Variants in ANKRD10 observed in about 807,000 individuals in gnomAD.
ANKRD10 encodes the protein ankyrin repeat domain-containing protein 10.
Under a neutral mutation model 27.0 loss-of-function variants are expected in ANKRD10, and 14 were observed. That is an observed-to-expected ratio of 0.52 (90% CI 0.34 to 0.81). ANKRD10 has a LOEUF of 0.81. Among genes scored for constraint, ANKRD10 ranks in the 40% least tolerant of loss-of-function variants. The pLI, the probability that ANKRD10 is intolerant of heterozygous loss-of-function variation, is 0.01. For synonymous variants in ANKRD10, 250 were observed against 224.5 expected, an observed-to-expected ratio of 1.11 and a Z score of -1.01; for missense variants, 493 against 544.0, an observed-to-expected ratio of 0.91 and a Z score of 0.93.
In ANKRD10 at chr13:110,883,700, G is replaced by T. The variant is rs1410432405; in HGVS notation, c.785C>A (p.Thr262Lys). 1 of 1,613,886 alleles carries T rather than the reference G, an allele frequency of 6.2e-7. No homozygotes were observed. Among genetic ancestry groups the T allele is most frequent in the Non-Finnish European group, 8.5e-7 (1 of 1,179,970 alleles). ...AACAGGAAACTGTCCACTCCCACCT[G>T]TTACAACAGCAAACTCCCTATCAAC... ...MHVDREFAVV[T>K]DMKNSSSVSN... Residue 262 changes from threonine to lysine, a missense_variant and splice_region_variant, in exon 5 of 6, where the codon ACA becomes AAA. Coordinates refer to ENST00000267339, the MANE Select transcript of ANKRD10 (RefSeq NM_017664.4).
At position 110,879,529 on chromosome 13, in the gene ANKRD10, T is replaced by A; in HGVS notation, c.*108A>T. On this transcript the variant is annotated 3_prime_UTR_variant, in exon 6 of 6. Transcript: ENST00000267339. ...TTTACTTTTTCAGAAAGTTGAAGTA[T>A]ATAAAAAACGTACAAGTTGTGACAT... 1.2e-6 allele frequency: 1 copy of A among 846,372 alleles called. No homozygotes were observed. The highest frequency in any genetic ancestry group is 1.8e-6 in the Non-Finnish European group (1 of 546,972). The allele number at this position is 846,372 out of a possible 1,614,324, so 52.4% of individuals were successfully genotyped here.
At chr13:110,898,342 A>C (rs2065283618) in intron 3 of ANKRD10, among the ~76,000 whole-genome samples, 1 of 152,238 alleles carries the variant, frequency 6.6e-6, no homozygotes, top group Admixed American at 6.5e-5. Context: ...ATAATCATTA[A>C]AGATCATAAA....
At chr13:110,906,168 C>A (rs1387005784) in intron 2 of ANKRD10, 44 bp from the exon 3 acceptor site, 2 of 1,467,794 alleles carry the variant, frequency 1.4e-6, no homozygotes, top group Non-Finnish European at 1.9e-6. Context: ...TAGAACAAAA[C>A]TTCTGACATT....
At chr13:110,894,119 T>G (rs1428812156) in intron 3 of ANKRD10, 1 of 1,607,220 alleles carries the variant, frequency 6.2e-7, no homozygotes, top group Non-Finnish European at 8.5e-7. Context: ...CTTTAGACAC[T>G]GAATTAAAAC....
In ANKRD10 at chr13:110,879,815, G is replaced by A. The variant is rs1400788351; in HGVS notation, c.1085C>T (p.Pro362Leu). 4 of 1,614,124 alleles carry A rather than the reference G, an allele frequency of 2.5e-6. No homozygotes were observed. The highest frequency in any genetic ancestry group is 3.4e-6 in the Non-Finnish European group (4 of 1,180,052). Residue 362 changes from proline (P) to leucine (L), a missense_variant, in exon 6 of 6, where the codon CCT (proline) becomes CTT (leucine). Physicochemically the swap from Pro to Leu is moderately conservative, Grantham distance 98 (BLOSUM62 -3). Coordinates refer to ENST00000267339, the MANE Select transcript of ANKRD10 (RefSeq NM_017664.4). ...GSPSSCIASR[P>L]SWVEDIGDNL... ...ATCCCCAATGTCTTCCACCCAGGAA[G>A]GCCTACTGGCTATGCAGCTACTTGG...
intron 4 of ANKRD10, among the ~76,000 whole-genome samples, chr13:110,885,182 C>A (rs1285173248): frequency 6.6e-6 from 1 of 152,174 alleles, no homozygotes; most frequent in Non-Finnish European, 1.5e-5. Context: ...AGGCCAGGCT[C>A]CACTTTCACT....
At chr13:110,891,069 T>C (rs927953164) in intron 4 of ANKRD10, among the ~76,000 whole-genome samples, 8 of 152,346 alleles carry the variant, frequency 5.3e-5, no homozygotes, top group Non-Finnish European at 1.0e-4. Flanking sequence ...CCAATTAGCA[T>C]GTTAAGTGAT....
In ANKRD10 at chr13:110,914,735, T is replaced by A. The variant is rs747727276; in HGVS notation, c.200A>T (p.His67Leu). 4 of 1,585,888 alleles carry A rather than the reference T, an allele frequency of 2.5e-6. No individual in the cohort carries two copies. Among genetic ancestry groups the A allele is most frequent in the Non-Finnish European group, 3.4e-6 (4 of 1,167,048 alleles). ...AGCGTTCGCACCCACCTTGCCGAAA[T>A]GCGCGGCCCAGTGCACGGGCGTCCA... is the stretch of plus-strand genomic sequence containing the variant. Reference protein sequence around the residue: ...YGWTPVHWAAHFGKLECLVQL... With the variant: ...YGWTPVHWAALFGKLECLVQL... The change falls in exon 1 of 6, where the codon CAT becomes CTT. Residue 67 changes from histidine to leucine, a missense_variant. Physicochemically the swap from His to Leu is moderately conservative, Grantham distance 99. Transcript: ENST00000267339.
chr13:110,882,268 A>C (rs2064834954), intron 5 of ANKRD10, among the ~76,000 whole-genome samples: 1 of 152,240 alleles, frequency 6.6e-6, no homozygotes, highest in Admixed American at 6.5e-5. Flanking sequence ...GAAGTTACTC[A>C]AGTGTTTAAA....
At chr13:110,908,443 T>C (rs1202849692) in intron 2 of ANKRD10, among the ~76,000 whole-genome samples, 3 of 152,142 alleles carry the variant, frequency 2.0e-5, no homozygotes. Context: ...CCTCAGAGAC[T>C]GCCAAAAAAG....
At chr13:110,908,378 T>C (rs541739717) in intron 2 of ANKRD10, among the ~76,000 whole-genome samples, 1 of 152,318 alleles carries the variant, frequency 6.6e-6, no homozygotes, top group South Asian at 2.1e-4. Context: ...TCATTTCCTC[T>C]TGGGGAAATC....
intron 1 of ANKRD10, chr13:110,914,451 G>T: frequency 3.4e-6 from 1 of 292,750 alleles, no homozygotes; most frequent in Non-Finnish European, 6.1e-6. Flanking sequence ...TTAGAAACTT[G>T]CTACGCGCGC....
Position 110,907,794 on chromosome 13 carries a change from G to C in ANKRD10, c.364-1670C>G, listed in dbSNP as rs145014608. The stretch of plus-strand genomic sequence containing the variant: ...GGGGAGAGAAGTAGTACAAAATAAA[G>C]ACAAATAAAAATTACATAAAAACAT... On this transcript the variant is annotated intron_variant, in intron 2 of 5. Coordinates refer to ENST00000267339, the MANE Select transcript of ANKRD10 (RefSeq NM_017664.4). 9.2e-5 allele frequency among the ~76,000 whole-genome samples: 14 copies of C among 152,076 alleles called. No individual in the cohort carries two copies. In the East Asian group the frequency reaches 2.7e-3, roughly 29 times the overall value.
intron 1 of ANKRD10, 141 bp from the exon 2 acceptor site, chr13:110,910,911 G>T: frequency 2.4e-6 from 2 of 847,590 alleles, no homozygotes; most frequent in Non-Finnish European, 3.5e-6. Flanking sequence ...CTTTCCCAAT[G>T]CCATGCAAAT....
At position 110,880,750 on chromosome 13, in the gene ANKRD10, G is replaced by A. The variant is rs188484113; in HGVS notation, c.788-638C>T. ...TTTTTTCAGTAGCACAGAAATCTAC[G>A]TAGTACTTCTGCCAAATGCCACATG... is the stretch of plus-strand genomic sequence containing the variant. On this transcript the variant is annotated intron_variant, in intron 5 of 5. Coordinates refer to ENST00000267339, the MANE Select transcript of ANKRD10 (RefSeq NM_017664.4). Among the ~76,000 whole-genome samples, 13 of 152,212 alleles carry A rather than the reference G, an allele frequency of 8.5e-5. No homozygotes were observed. In the East Asian group the frequency reaches 2.5e-3, roughly 29 times the overall value.
intron 3 of ANKRD10, among the ~76,000 whole-genome samples, chr13:110,899,693 A>C (rs572986177): frequency 6.6e-6 from 1 of 151,956 alleles, no homozygotes; most frequent in East Asian, 1.9e-4. Flanking sequence ...TGTAACATTC[A>C]CCAAGACTAC....
chr13:110,903,659 TTATG>T (rs1423942865), intron 3 of ANKRD10: 1 of 152,692 alleles, frequency 6.5e-6, no homozygotes, highest in Non-Finnish European at 1.5e-5. Flanking sequence ...TTTGGGCACT[TTATG>T]TAGCAGATAT....
chr13:110,887,154 CACTTGGGGCTGATG>C (rs1160219415), intron 4 of ANKRD10, among the ~76,000 whole-genome samples: 2 of 152,206 alleles, frequency 1.3e-5, no homozygotes, highest in Non-Finnish European at 2.9e-5. Flanking sequence ...AGAGATGCTC[CACTTGGGGCTGATG>C]CCCAGGGCAA....
At chr13:110,905,257 T>C (rs2065497989) in intron 3 of ANKRD10, 1 of 152,174 alleles carries the variant, frequency 6.6e-6, no homozygotes, top group Non-Finnish European at 1.5e-5. Context: ...ATTTTTATAA[T>C]ATAAATTTTT....
Sources: allele counts gnomAD v4.1 joint callset (sites outside exome capture counted in the v4.1 genomes callset), GRCh38; gene constraint gnomAD v4.1.1; transcripts MANE v1.5; gene names NCBI Gene and HGNC (gene_info 2026-07-23, HGNC 2026-07-21).